SLC20A2: variants seen among roughly 807,000 people sequenced by gnomAD.
The protein encoded by SLC20A2 is solute carrier family 20 member 2.
Under a neutral mutation model 61.0 loss-of-function variants are expected in SLC20A2, and 30 were observed. The observed-to-expected ratio is 0.49, with a 90% CI of 0.37 to 0.67. The LOEUF (loss-of-function observed/expected upper bound fraction) is 0.67. Ranked by LOEUF, SLC20A2 falls within the 30% of genes least tolerant of loss-of-function variation. The probability of loss-of-function intolerance (pLI) is 0.00; values close to 1 mark genes in which losing one functional copy is unlikely to be tolerated. For synonymous variants in SLC20A2, 351 were observed against 353.3 expected, an observed-to-expected ratio of 0.99 and a Z score of 0.07; for missense variants, 626 against 866.4, an observed-to-expected ratio of 0.72 and a Z score of 3.48.
At chr8:42,439,221 TA>T (rs1344701976) in intron 7 of SLC20A2, among the ~76,000 whole-genome samples, 1 of 152,246 alleles carries the variant, frequency 6.6e-6, no homozygotes, top group African/African-American at 2.4e-5. Flanking sequence ...TGCCTCCGGT[TA>T]GACTATAAAC....
intron 1 of SLC20A2, among the ~76,000 whole-genome samples, chr8:42,507,601 C>G (rs1289223465): frequency 6.6e-6 from 1 of 152,180 alleles, no homozygotes; most frequent in Non-Finnish European, 1.5e-5. Context: ...GAACAGCCAC[C>G]TATTTAACAA....
intron 5 of SLC20A2, among the ~76,000 whole-genome samples, chr8:42,457,776 C>T (rs982093073): frequency 1.3e-5 from 2 of 152,152 alleles, no homozygotes; most frequent in Non-Finnish European, 2.9e-5. Flanking sequence ...TGAGCCACTG[C>T]GCCCGGCTGA....
intron 1 of SLC20A2, among the ~76,000 whole-genome samples, chr8:42,507,544 A>T (rs981973463): frequency 1.4e-4 from 22 of 152,224 alleles, no homozygotes; most frequent in African/African-American, 5.1e-4. Context: ...TTGATTTTTT[A>T]AATTATATTG....
chr8:42,462,105 C>T (rs766942868), intron 4 of SLC20A2, among the ~76,000 whole-genome samples: 2 of 151,952 alleles, frequency 1.3e-5, no homozygotes, highest in African/African-American at 2.4e-5. Flanking sequence ...GAGCAGCTTC[C>T]TAGGAAGTGA....
rs117942451 is a variant in SLC20A2, at chr8:42,489,806, G to A, written c.-265+11225C>T. ...CCTTGACCATGGCTGTGTGTGGCTC[G>A]AAGACTCCTTCCACAGTTCAGGGAG... On this transcript the variant is annotated intron_variant, in intron 1 of 10. Coordinates refer to ENST00000520262, the MANE Select transcript of SLC20A2 (RefSeq NM_001257180.2). Among the ~76,000 whole-genome samples, 210 of 152,294 alleles carry A rather than the reference G, an allele frequency of 1.4e-3. 2 individuals are homozygous for A. Among genetic ancestry groups the A allele is most frequent in the Non-Finnish European group, 2.3e-3 (156 of 68,026 alleles).
intron 1 of SLC20A2, among the ~76,000 whole-genome samples, chr8:42,486,685 T>C (rs1294752736): frequency 1.3e-5 from 2 of 152,168 alleles, no homozygotes; most frequent in Admixed American, 6.5e-5. Flanking sequence ...CTTACTTGAG[T>C]TCCACTGGAC....
intron 2 of SLC20A2, 54 bp from the exon 3 acceptor site, chr8:42,465,971 C>A: frequency 1.3e-6 from 2 of 1,485,844 alleles, no homozygotes; most frequent in Non-Finnish European, 9.0e-7. Flanking sequence ...GGTGCAGACA[C>A]CAAGGGAAGA....
At chr8:42,473,763 GAATA>G (rs955507164) in intron 1 of SLC20A2, among the ~76,000 whole-genome samples, 1 of 152,072 alleles carries the variant, frequency 6.6e-6, no homozygotes, top group African/African-American at 2.4e-5. Flanking sequence ...GAGTTGAACT[GAATA>G]AATACCACAC....
intron 5 of SLC20A2, among the ~76,000 whole-genome samples, chr8:42,455,398 C>A (rs562582712): frequency 1.7e-3 from 260 of 151,704 alleles, no homozygotes; most frequent in African/African-American, 5.9e-3. Flanking sequence ...CGGTGGCTCA[C>A]GCCTGTAATC....
intron 10 of SLC20A2, among the ~76,000 whole-genome samples, chr8:42,418,842 C>T (rs918116084): frequency 1.3e-5 from 2 of 151,398 alleles, no homozygotes; most frequent in African/African-American, 4.8e-5. Flanking sequence ...ACTAAGAATA[C>T]CAAAAATTAG....
At chr8:42,458,746 A>G (rs541848661) in intron 5 of SLC20A2, among the ~76,000 whole-genome samples, 3 of 151,164 alleles carry the variant, frequency 2.0e-5, no homozygotes, top group Non-Finnish European at 4.4e-5. Context: ...TGTCTCTACT[A>G]AAAATACAAA....
chr8:42,503,705 A>G (rs968418533), upstream of SLC20A2, among the ~76,000 whole-genome samples: 3 of 152,218 alleles, frequency 2.0e-5, no homozygotes, highest in African/African-American at 4.8e-5. Flanking sequence ...TCCAATCTGG[A>G]CAATCCACAT....
At chr8:42,511,636 AAAG>A (rs1811040110) in intron 1 of SLC20A2, among the ~76,000 whole-genome samples, 1 of 151,934 alleles carries the variant, frequency 6.6e-6, no homozygotes, top group East Asian at 1.9e-4. Flanking sequence ...CAAAAAAAAA[AAAG>A]AAGTGGTCAC....
intron 10 of SLC20A2, 144 bp downstream of exon 10, chr8:42,428,614 A>G: frequency 1.6e-6 from 1 of 616,922 alleles, no homozygotes; most frequent in Non-Finnish European, 2.8e-6. Context: ...ATGGAGGAAT[A>G]CAAGGTCCCG....
intron 6 of SLC20A2, among the ~76,000 whole-genome samples, chr8:42,443,582 G>A (rs954594609): frequency 1.3e-5 from 2 of 151,568 alleles, no homozygotes; most frequent in Non-Finnish European, 2.9e-5. Context: ...CACATGCCTC[G>A]GCCTCCCAAA....
intron 1 of SLC20A2, among the ~76,000 whole-genome samples, chr8:42,483,183 C>T (rs1023250268): frequency 4.0e-5 from 6 of 151,852 alleles, no homozygotes; most frequent in Admixed American, 2.6e-4. Context: ...CTGTTGTTTC[C>T]GTCTCTACTA....
intron 5 of SLC20A2, among the ~76,000 whole-genome samples, chr8:42,446,317 C>T (rs1586055117): frequency 6.6e-6 from 1 of 152,174 alleles, no homozygotes; most frequent in Admixed American, 6.5e-5. Context: ...GTCATGTCTC[C>T]AGCCCTCATC....
At chr8:42,513,856 A>C (rs912151971) in intron 1 of SLC20A2, among the ~76,000 whole-genome samples, 2 of 152,194 alleles carry the variant, frequency 1.3e-5, no homozygotes, top group African/African-American at 4.8e-5. Flanking sequence ...CCAGGCAGAA[A>C]AACAGTGAAA....
chr8:42,479,424 CTGTTA>C (rs1808393820), intron 1 of SLC20A2, among the ~76,000 whole-genome samples: 1 of 151,810 alleles, frequency 6.6e-6, no homozygotes, highest in South Asian at 2.1e-4. Context: ...GCAAGGGTAA[CTGTTA>C]TGTTATCTGT....
Sources: allele counts gnomAD v4.1 joint callset (sites outside exome capture counted in the v4.1 genomes callset), GRCh38; gene constraint gnomAD v4.1.1; transcripts MANE v1.5; gene names NCBI Gene and HGNC (gene_info 2026-07-23, HGNC 2026-07-21).